The following NLRC4 variants were observed in gnomAD, a reference collection of about 807,000 sequenced individuals.
The protein encoded by NLRC4 is NLR family CARD domain-containing protein 4.
In NLRC4, 63 loss-of-function variants were observed where a neutral mutation model predicts 79.9. The observed-to-expected ratio is 0.79, with a 90% CI of 0.64 to 0.97. The LOEUF (loss-of-function observed/expected upper bound fraction) is 0.97. Among genes scored for constraint, NLRC4 ranks in the 50% least tolerant of loss-of-function variants. The probability of loss-of-function intolerance (pLI) is 0.00; values close to 1 mark genes in which losing one functional copy is unlikely to be tolerated. For synonymous variants in NLRC4, 461 were observed against 456.5 expected (o/e 1.01, Z -0.12); for missense variants, 1,074 against 1,215.2 (o/e 0.88, Z 1.73).
upstream of NLRC4, among the ~76,000 whole-genome samples, chr2:32,265,212 G>T (rs148780556): frequency 5.9e-3 from 886 of 150,998 alleles, 11 homozygotes; most frequent in African/African-American, 0.02. Flanking sequence ...ACAGAGTCTT[G>T]TTCTGTCACC....
chr2:32,264,440 A>C (rs1343123658), intron 1 of NLRC4, among the ~76,000 whole-genome samples: 2 of 151,346 alleles, frequency 1.3e-5, no homozygotes, highest in Non-Finnish European at 2.9e-5. Flanking sequence ...TCTCAAAAAA[A>C]AAAAAAAAAA....
chr2:32,251,300 G>C lies in NLRC4; in HGVS notation c.564C>G (p.Ser188=), dbSNP rs753073813. 1.9e-6 allele frequency: 3 copies of C among 1,614,066 alleles called. No individual in the cohort carries two copies. The change falls in exon 4 of 9, where the codon TCC becomes TCG. Residue 188 remains serine (S), a synonymous_variant. Coordinates refer to ENST00000402280, the MANE Select transcript of NLRC4 (RefSeq NM_001199138.2). ...LLQRIAMLWG[S]GKCKALTKFK... ...ACTTGGTCAGAGCCTTGCACTTTCC[G>C]GAGCCCCAGAGCATGGCAATTCGCT...
rs199685258 is a variant in NLRC4 at position 32,224,730 on chromosome 2, G to A, written c.2818C>T (p.Gln940Ter). 4.5e-5 allele frequency: 71 copies of A among 1,592,900 alleles called. No individual in the cohort carries two copies. The highest frequency in any genetic ancestry group is 5.8e-5 in the Non-Finnish European group (68 of 1,170,208). ...CGATTTCCCGCCAAATTCAACTGCT[G>A]GAAGTTTTTCAGAGGGTTCTTTCCA... The part of the protein sequence containing the change: ...FFGKNPLKNF[Q>*]QLNLAGNRVS... Residue 940 changes from glutamine (Q) to a stop codon, truncating the protein, a stop_gained, in exon 9 of 9, where the codon CAG (glutamine) becomes TAG (stop). Transcript: ENST00000402280. LOFTEE classifies it high-confidence loss of function.
chr2:32,230,757 A>G (rs560447861), intron 8 of NLRC4, among the ~76,000 whole-genome samples: 9 of 152,262 alleles, frequency 5.9e-5, no homozygotes, highest in Non-Finnish European at 1.2e-4. Flanking sequence ...TTATGTGGAT[A>G]TTGGTTTTCA....
chr2:32,249,281 A>C (rs1331861281), intron 4 of NLRC4, among the ~76,000 whole-genome samples: 1 of 152,212 alleles, frequency 6.6e-6, no homozygotes, highest in Non-Finnish European at 1.5e-5. Context: ...CTCCACCCCA[A>C]AGTGAACATG....
At chr2:32,240,401 CAAAAAAAAA>C (rs36105309) in intron 5 of NLRC4, among the ~76,000 whole-genome samples, 3 of 118,210 alleles carry the variant, frequency 2.5e-5, no homozygotes, top group Non-Finnish European at 5.3e-5. Flanking sequence ...AAAAAAGAGC[CAAAAAAAAA>C]AAAAAAAAAA....
intron 8 of NLRC4, among the ~76,000 whole-genome samples, chr2:32,229,935 T>G (rs1323170433): frequency 3.3e-5 from 5 of 152,194 alleles, no homozygotes; most frequent in Non-Finnish European, 7.3e-5. Context: ...TTTAGAGCTT[T>G]TACCTTGAAG....
chr2:32,227,550 T>C (rs1686432822), intron 8 of NLRC4, among the ~76,000 whole-genome samples: 1 of 152,180 alleles, frequency 6.6e-6, no homozygotes, highest in Non-Finnish European at 1.5e-5. Flanking sequence ...AAAGATCAAC[T>C]TTTTTTCTCC....
At chr2:32,225,783 G>A (rs1473460486) in intron 8 of NLRC4, among the ~76,000 whole-genome samples, 1 of 152,188 alleles carries the variant, frequency 6.6e-6, no homozygotes, top group Non-Finnish European at 1.5e-5. Context: ...ACAAAATGCA[G>A]AAGATGTATG....
intron 4 of NLRC4, among the ~76,000 whole-genome samples, chr2:32,241,369 C>CT (rs34150887): frequency 0.05 from 3,707 of 74,344 alleles, 61 homozygotes; most frequent in African/African-American, 0.068. Context: ...AAAAAATTTC[C>CT]TTTTTTTTTT....
At chr2:32,255,256 C>T (rs2148945451) in intron 2 of NLRC4, among the ~76,000 whole-genome samples, 1 of 152,274 alleles carries the variant, frequency 6.6e-6, no homozygotes, top group East Asian at 1.9e-4. Context: ...CGCAGTGGCT[C>T]ACACCTGTAA....
Position 32,231,715 on chromosome 2 carries a change from G to A in NLRC4, c.2782+3686C>T, listed in dbSNP as rs527433738. 1.0e-3 allele frequency among the ~76,000 whole-genome samples: 156 copies of A among 152,024 alleles called. 1 individual carries two copies. Among genetic ancestry groups the A allele is most frequent in the African/African-American group, 3.5e-3 (145 of 41,488 alleles). ...CTCCCAGGTAGCTGGGACTACAGGC[G>A]TACGCTGCCACACCCAGCTAATTTT... On this transcript the variant is annotated intron_variant, in intron 8 of 8. Coordinates refer to ENST00000402280, the MANE Select transcript of NLRC4 (RefSeq NM_001199138.2).
At chr2:32,236,166 A>T in intron 7 of NLRC4, 81 bp downstream of exon 7, 1 of 818,858 alleles carries the variant, frequency 1.2e-6, no homozygotes, top group Non-Finnish European at 2.0e-6. Context: ...GGTATAAAAG[A>T]CCTCAGGACC....
At position 32,233,349 on chromosome 2, in the gene NLRC4, A is replaced by AT. The variant is rs1176305976; in HGVS notation, c.2782+2051dup. Among the ~76,000 whole-genome samples the AT allele has an allele frequency of 6.4e-3, 264 of 41,106 alleles. 11 individuals carry two copies. Among genetic ancestry groups the AT allele is most frequent in the South Asian group, 8.7e-3 (9 of 1,032 alleles). 27.0% of individuals were successfully genotyped at this position (41,106 alleles called of 152,430 possible). On this transcript the variant is annotated intron_variant, in intron 8 of 8. Transcript: ENST00000402280. ...TATATATATATATATATATATATAT[A>AT]TTTTTTTTTTTTTTTTTTTAATTGT...
chr2:32,238,070 G>A (rs1686712079), intron 6 of NLRC4, 62 bp downstream of exon 6: 1 of 1,214,548 alleles, frequency 8.2e-7, no homozygotes, highest in Non-Finnish European at 1.2e-6. Flanking sequence ...GTGTGAATTA[G>A]TATAATAGTA....
intron 1 of NLRC4, among the ~76,000 whole-genome samples, chr2:32,260,887 T>A (rs1573506420): frequency 6.6e-6 from 1 of 152,224 alleles, no homozygotes; most frequent in East Asian, 1.9e-4. Context: ...CCTTCTCAAG[T>A]TCATCTATAA....
In NLRC4 at chr2:32,250,605, A is replaced by G. The variant is rs771262687; in HGVS notation, c.1259T>C (p.Val420Ala). 6.2e-7 allele frequency: 1 copy of G among 1,614,198 alleles called. No homozygotes were observed. Among genetic ancestry groups the G allele is most frequent in the South Asian group, 1.1e-5 (1 of 91,086 alleles). The change falls in exon 4 of 9, where the codon GTC becomes GCC. Residue 420 changes from valine to alanine, a missense_variant. Coordinates refer to ENST00000402280, the MANE Select transcript of NLRC4 (RefSeq NM_001199138.2). This position sits in a 1 kb window ranked among gnomAD's most constrained non-coding sequence, Gnocchi z 4.9. Reference protein sequence around the residue: ...LQDVSSVNEDVLLTTGLLCKY... With the variant: ...LQDVSSVNEDALLTTGLLCKY... Reference sequence around the variant, plus strand: ...ACAGAGGAGCCCAGTTGTCAGCAGGACATCCTCATTCACGCTGGACACATC... The same window carrying G: ...ACAGAGGAGCCCAGTTGTCAGCAGGGCATCCTCATTCACGCTGGACACATC...
intron 4 of NLRC4, among the ~76,000 whole-genome samples, chr2:32,242,356 A>G (rs1686825392): frequency 6.6e-6 from 1 of 152,250 alleles, no homozygotes; most frequent in African/African-American, 2.4e-5. Context: ...AGATATTAAA[A>G]GGACAATTAG....
At chr2:32,239,239 C>G (rs960553846) in intron 5 of NLRC4, among the ~76,000 whole-genome samples, 1 of 152,166 alleles carries the variant, frequency 6.6e-6, no homozygotes, top group African/African-American at 2.4e-5. Context: ...CAACATCTCA[C>G]CACTGCACTC....
Sources: gnomAD v4.1 joint callset for allele counts (sites outside exome capture counted in the v4.1 genomes callset) on GRCh38, gnomAD v4.1.1 for gene constraint, Gnocchi (gnomAD v3.1) non-coding constraint, MANE v1.5 for transcripts, NCBI Gene and HGNC (gene_info 2026-07-23, HGNC 2026-07-21) for gene names.